The following PRKCH variants were observed in gnomAD, a reference collection of about 807,000 sequenced individuals.
PRKCH encodes protein kinase C eta, also known as protein kinase C eta type.
Under a neutral mutation model 82.5 loss-of-function variants are expected in PRKCH, and 28 were observed. The observed-to-expected ratio is 0.34, with a 90% CI of 0.25 to 0.47. The LOEUF is 0.47. PRKCH is among the 20% of genes least tolerant of loss of function. The pLI is 1.00. For synonymous variants in PRKCH, 322 were observed against 327.4 expected (o/e 0.98, Z 0.18); for missense variants, 705 against 881.8 (o/e 0.80, Z 2.54).
intron 1 of PRKCH, among the ~76,000 whole-genome samples, chr14:61,292,075 C>T (rs969747207): frequency 6.6e-6 from 1 of 152,062 alleles, no homozygotes; most frequent in Non-Finnish European, 1.5e-5. Flanking sequence ...CAGGAAGTGG[C>T]ATGTATTTTA....
intron 1 of PRKCH, among the ~76,000 whole-genome samples, chr14:61,257,102 G>A (rs2045004272): frequency 6.6e-6 from 1 of 152,104 alleles, no homozygotes; most frequent in Non-Finnish European, 1.5e-5. Context: ...AATATTTTCA[G>A]TACAATGACA....
intron 9 of PRKCH, among the ~76,000 whole-genome samples, chr14:61,461,764 A>G (rs1885038313): frequency 6.6e-6 from 1 of 152,258 alleles, no homozygotes; most frequent in Non-Finnish European, 1.5e-5. Context: ...CCTGGAACAG[A>G]TTGGGAACCC....
chr14:61,187,710 C>T (rs1374302473), intron 1 of PRKCH: 1 of 152,110 alleles, frequency 6.6e-6, no homozygotes, highest in Non-Finnish European at 1.5e-5. Context: ...AATGTAGCGT[C>T]AGCAATCTTG....
chr14:61,199,290 G>C (rs1210741891), intron 1 of PRKCH, among the ~76,000 whole-genome samples: 1 of 152,184 alleles, frequency 6.6e-6, no homozygotes, highest in African/African-American at 2.4e-5. Context: ...CTGGGTGTCT[G>C]ATTTACTGAC....
chr14:61,353,591 C>T (rs2046109947), intron 1 of PRKCH: 1 of 152,092 alleles, frequency 6.6e-6, no homozygotes, highest in African/African-American at 2.4e-5. Context: ...TCAGGAGCCA[C>T]TTCCTCCTGG....
At chr14:61,193,739 C>T (rs527928914) in intron 1 of PRKCH, among the ~76,000 whole-genome samples, 2 of 152,254 alleles carry the variant, frequency 1.3e-5, no homozygotes, top group East Asian at 3.9e-4. Flanking sequence ...CTGAAATCTG[C>T]TCAAAAAGGA....
At chr14:61,505,400 T>TC (rs1887103247) in intron 10 of PRKCH, among the ~76,000 whole-genome samples, 1 of 92,774 alleles carries the variant, frequency 1.1e-5, no homozygotes, top group Non-Finnish European at 1.9e-5. Flanking sequence ...CTTTTCTTTT[T>TC]TTTTTTTTTT....
intron 9 of PRKCH, 104 bp downstream of exon 9, chr14:61,457,783 G>C: frequency 1.4e-6 from 2 of 1,466,926 alleles, no homozygotes; most frequent in Non-Finnish European, 1.9e-6. Flanking sequence ...AAATTTTGGG[G>C]GATGGGCTCC....
intron 1 of PRKCH, chr14:61,322,861 A>G (rs147367543): frequency 2.8e-4 from 54 of 191,590 alleles, no homozygotes; most frequent in African/African-American, 1.2e-3. Flanking sequence ...TTCAAGCGCT[A>G]CTTAGGAGAA....
intron 12 of PRKCH, among the ~76,000 whole-genome samples, chr14:61,535,980 T>C (rs2043103325): frequency 1.3e-5 from 2 of 152,196 alleles, no homozygotes; most frequent in African/African-American, 4.8e-5. Context: ...ATAAACAAGC[T>C]CAGCGTGTGT....
At chr14:61,269,548 T>C (rs2045134167) in intron 1 of PRKCH, among the ~76,000 whole-genome samples, 1 of 152,118 alleles carries the variant, frequency 6.6e-6, no homozygotes, top group Non-Finnish European at 1.5e-5. Flanking sequence ...CCAGGGTGCG[T>C]TGTTCCCCTC....
chr14:61,430,617 A>G (rs968166), intron 2 of PRKCH, among the ~76,000 whole-genome samples: 1 of 152,160 alleles, frequency 6.6e-6, no homozygotes, highest in Non-Finnish European at 1.5e-5. Context: ...CCCCTCCCCC[A>G]CAGGAATGTC....
intron 1 of PRKCH, among the ~76,000 whole-genome samples, chr14:61,271,290 T>C (rs901877150): frequency 6.6e-6 from 1 of 152,182 alleles, no homozygotes; most frequent in Non-Finnish European, 1.5e-5. Context: ...CTCTCTATTC[T>C]GTTCCATTGG....
At position 61,247,208 on chromosome 14, in the gene PRKCH, A is replaced by T. The variant is rs190814773; in HGVS notation, c.-19+59540A>T. ...AAAAATATATGATAAACTAAACTAA[A>T]TGATGACTTCCCAAAAAGAAAGTGT... is the stretch of plus-strand genomic sequence containing the variant. On this transcript the variant is annotated intron_variant, in intron 1 of 3. Coordinates refer to the PRKCH transcript ENST00000555185. 7.2e-5 allele frequency among the ~76,000 whole-genome samples: 11 copies of T among 152,274 alleles called. No homozygotes were observed. In the East Asian group the frequency reaches 2.1e-3, roughly 29 times the overall value.
At chr14:61,389,311 T>C (rs941728218) in intron 1 of PRKCH, among the ~76,000 whole-genome samples, 1 of 151,410 alleles carries the variant, frequency 6.6e-6, no homozygotes, top group South Asian at 2.1e-4. Context: ...GATTGCAGCA[T>C]TGAAGTCCAG....
At chr14:61,528,267 C>T (rs942803669) in intron 10 of PRKCH, among the ~76,000 whole-genome samples, 4 of 152,016 alleles carry the variant, frequency 2.6e-5, no homozygotes, top group African/African-American at 9.7e-5. Flanking sequence ...ACTCTCAGCT[C>T]ACTGCAGCCT....
At chr14:61,506,462 A>G (rs528842865) in intron 10 of PRKCH, among the ~76,000 whole-genome samples, 9 of 152,112 alleles carry the variant, frequency 5.9e-5, no homozygotes, top group African/African-American at 2.2e-4. Context: ...CTAGTGTGCA[A>G]TGCTGGCCCT....
chr14:61,309,484 G>T (rs1594902923), intron 1 of PRKCH, among the ~76,000 whole-genome samples: 1 of 152,264 alleles, frequency 6.6e-6, no homozygotes. Flanking sequence ...ATGCTGCAGG[G>T]CTTTGCAATG....
chr14:61,502,481 T>G (rs1886962981), intron 10 of PRKCH, among the ~76,000 whole-genome samples: 1 of 152,156 alleles, frequency 6.6e-6, no homozygotes, highest in Admixed American at 6.5e-5. Context: ...TATAAACGTT[T>G]ATTGCAGTTA....
Sources: allele counts gnomAD v4.1 joint callset (sites outside exome capture counted in the v4.1 genomes callset), GRCh38; gene constraint gnomAD v4.1.1; transcripts MANE v1.5; gene names NCBI Gene and HGNC (gene_info 2026-07-23, HGNC 2026-07-21).